AUTS2: variants seen among roughly 807,000 people sequenced by gnomAD.
The protein encoded by AUTS2 is autism susceptibility gene 2 protein.
A neutral mutation model predicts 112.4 loss-of-function variants in AUTS2; 17 were observed. That is an observed-to-expected ratio of 0.15 (90% CI 0.10 to 0.23). The LOEUF is 0.23. Ranked by LOEUF, AUTS2 falls within the 10% of genes least tolerant of loss-of-function variation. The pLI is 1.00. For missense variants in AUTS2, 1,510 were observed against 1,701.6 expected, an observed-to-expected ratio of 0.89 and a Z score of 1.98; for synonymous variants, 751 against 702.7, an observed-to-expected ratio of 1.07 and a Z score of -1.09.
At chr7:70,339,478 GA>G (rs1409502591) in intron 4 of AUTS2, among the ~76,000 whole-genome samples, 1 of 152,138 alleles carries the variant, frequency 6.6e-6, no homozygotes, top group Non-Finnish European at 1.5e-5. Flanking sequence ...GTATTTCTGA[GA>G]ATTTTTCTCT....
In AUTS2 at chr7:70,519,547, G is replaced by A. The variant is rs565425270; in HGVS notation, c.690+83766G>A. On this transcript the variant is annotated intron_variant, in intron 5 of 18. Coordinates refer to ENST00000342771, the MANE Select transcript of AUTS2 (RefSeq NM_015570.4). ...TAGAATTTAATGTAGGACATAACTA[G>A]AGTGTTAAATATGACAAACTAACTT... is the stretch of plus-strand genomic sequence containing the variant. 6.6e-5 allele frequency among the ~76,000 whole-genome samples: 10 copies of A among 152,342 alleles called. No homozygotes were observed. The South Asian group carries it at 2.1e-3, about 32-fold the overall frequency.
At chr7:70,577,931 C>T (rs1234180741) in intron 5 of AUTS2, among the ~76,000 whole-genome samples, 5 of 151,776 alleles carry the variant, frequency 3.3e-5, no homozygotes, top group African/African-American at 4.8e-5. Context: ...CCCAGGTTCA[C>T]GCCATTCTCC....
chr7:69,831,364 A>G (rs1791492986), intron 1 of AUTS2, among the ~76,000 whole-genome samples: 1 of 152,194 alleles, frequency 6.6e-6, no homozygotes, highest in Non-Finnish European at 1.5e-5. Flanking sequence ...GCCTAACTCC[A>G]GGACTTCATC....
intron 2 of AUTS2, among the ~76,000 whole-genome samples, chr7:69,956,940 G>A (rs1179841403): frequency 2.6e-5 from 4 of 152,030 alleles, no homozygotes; most frequent in Non-Finnish European, 4.4e-5. Context: ...ACAACTCACT[G>A]CAGCCTCAAC....
intron 1 of AUTS2, among the ~76,000 whole-genome samples, chr7:69,838,408 C>T (rs1283664772): frequency 1.3e-5 from 2 of 152,100 alleles, no homozygotes; most frequent in African/African-American, 4.8e-5. Context: ...ATGACTCTGT[C>T]AGGTAGACAG....
At chr7:69,943,212 A>G (rs554506553) in intron 2 of AUTS2, among the ~76,000 whole-genome samples, 2 of 152,362 alleles carry the variant, frequency 1.3e-5, no homozygotes, top group African/African-American at 4.8e-5. Context: ...ACTGAGAATA[A>G]TACTACTGCC....
intron 2 of AUTS2, among the ~76,000 whole-genome samples, chr7:69,995,965 C>T (rs1482380226): frequency 6.6e-6 from 1 of 152,142 alleles, no homozygotes; most frequent in Non-Finnish European, 1.5e-5. Context: ...AGTCGGCAGC[C>T]CACTTTGCTG....
At chr7:70,132,877 C>G (rs1806352357) in intron 3 of AUTS2, among the ~76,000 whole-genome samples, 2 of 152,112 alleles carry the variant, frequency 1.3e-5, no homozygotes, top group Admixed American at 1.3e-4. Context: ...CTGAGTAATT[C>G]ATCCTAAAAT....
rs116630308 is a variant in AUTS2, at chr7:70,558,812, G to A, written c.690+123031G>A. 7.2e-3 allele frequency among the ~76,000 whole-genome samples: 1,090 copies of A among 152,298 alleles called. 15 individuals carry two copies. Among genetic ancestry groups the A allele is most frequent in the African/African-American group, 0.025 (1,041 of 41,562 alleles). On this transcript the variant is annotated intron_variant, in intron 5 of 18. Coordinates refer to ENST00000342771, the MANE Select transcript of AUTS2 (RefSeq NM_015570.4). ...AAACATTGCATCTTATGAATGTAAC[G>A]TGTTGCTGTAGACAAATATTCTTGT...
intron 3 of AUTS2, chr7:70,120,082 G>A (rs1186494460): frequency 2.6e-5 from 4 of 151,888 alleles, no homozygotes; most frequent in Admixed American, 6.6e-5. Flanking sequence ...TAACATAAAC[G>A]GTTGGAGACC....
rs193133310 is a variant in AUTS2 at position 70,369,424 on chromosome 7, T to G, written c.661-66328T>G. Among the ~76,000 whole-genome samples the G allele has an allele frequency of 1.1e-3, 171 of 152,276 alleles. 3 individuals carry two copies. The East Asian group carries it at 0.026, about 24-fold the overall frequency. ...TTATTGCCCTAATTGCTATAATTTT[T>G]GGGGAAGAGTTTCATGGAACAGATG... is the stretch of plus-strand genomic sequence containing the variant. On this transcript the variant is annotated intron_variant, in intron 4 of 18. Transcript: ENST00000342771.
At chr7:70,084,065 AAAAC>A (rs780195052) in intron 2 of AUTS2, among the ~76,000 whole-genome samples, 32 of 152,290 alleles carry the variant, frequency 2.1e-4, no homozygotes, top group Non-Finnish European at 3.2e-4. Flanking sequence ...GCAAAAAAAC[AAAAC>A]AAACAAACAA....
intron 2 of AUTS2, among the ~76,000 whole-genome samples, chr7:70,042,678 T>G (rs1801299578): frequency 6.6e-6 from 1 of 152,196 alleles, no homozygotes; most frequent in Admixed American, 6.5e-5. Context: ...TTCTGGAACT[T>G]TCTTCGGGAG....
Position 70,698,504 on chromosome 7 carries a change from A to T in AUTS2, c.691-65A>T, listed in dbSNP as rs1809260994. On this transcript the variant is annotated intron_variant, in intron 5 of 18. Coordinates refer to ENST00000342771, the MANE Select transcript of AUTS2 (RefSeq NM_015570.4). ...AGTCAACTGATTTAAAATAATGGGA[A>T]TGTTGATGGTGATGACAATATTAAT... The T allele has an allele frequency of 2.3e-6, 3 of 1,319,778 alleles. No homozygotes were observed. The South Asian group carries it at 3.9e-5, about 17-fold the overall frequency. The allele number at this position is 1,319,778 out of a possible 1,614,324, so 81.8% of individuals were successfully genotyped here. A position where few individuals can be genotyped will look rare whatever the true frequency, so the allele number is the denominator to read the frequency against.
rs528924297 is a variant in AUTS2 at position 70,741,643 on chromosome 7, A to G, written c.743-21227A>G. 5.3e-5 allele frequency among the ~76,000 whole-genome samples: 8 copies of G among 151,818 alleles called. 1 individual carries two copies. The South Asian group carries it at 1.7e-3, about 32-fold the overall frequency. On this transcript the variant is annotated intron_variant, in intron 6 of 18. Coordinates refer to ENST00000342771, the MANE Select transcript of AUTS2 (RefSeq NM_015570.4). ...GAGGCGGAGGTTGAGGTGAGCCAAG[A>G]TCGTGTCATTGCACTCCAGCCTGAG...
intron 5 of AUTS2, among the ~76,000 whole-genome samples, chr7:70,535,917 G>A (rs958834990): frequency 6.6e-6 from 1 of 152,228 alleles, no homozygotes; most frequent in Non-Finnish European, 1.5e-5. Context: ...TTTCCAAGGA[G>A]GGAGTGTAAA....
intron 4 of AUTS2, among the ~76,000 whole-genome samples, chr7:70,203,865 T>G (rs1810432052): frequency 6.6e-6 from 1 of 151,706 alleles, no homozygotes; most frequent in Non-Finnish European, 1.5e-5. Context: ...ATTTCTGAAC[T>G]AATGTATTTG....
In AUTS2 at chr7:70,504,142, G is replaced by A. The variant is rs111610687; in HGVS notation, c.690+68361G>A. On this transcript the variant is annotated intron_variant, in intron 5 of 18. Transcript: ENST00000342771. ...CTTGCAGGCTACTGCACAGGAGCTC[G>A]AGTACATAGATTTGTTGTCAATTAA... is the stretch of plus-strand genomic sequence containing the variant. 4.7e-4 allele frequency among the ~76,000 whole-genome samples: 72 copies of A among 151,816 alleles called. 2 individuals carry two copies. The highest frequency in any genetic ancestry group is 1.7e-3 in the African/African-American group (72 of 41,516).
At chr7:70,609,956 TTTTTTGTTGTTGTTG>T (rs1467985788) in intron 5 of AUTS2, among the ~76,000 whole-genome samples, 37 of 128,490 alleles carry the variant, frequency 2.9e-4, no homozygotes, top group African/African-American at 6.9e-4. Context: ...GGAAGTTCTG[TTTTTTGTTGTTGTTG>T]TTGTTGTTGT....
Sources: gnomAD v4.1 joint callset for allele counts (sites outside exome capture counted in the v4.1 genomes callset) on GRCh38, gnomAD v4.1.1 for gene constraint, MANE v1.5 for transcripts, NCBI Gene and HGNC (gene_info 2026-07-23, HGNC 2026-07-21) for gene names.